KDM6A: variants seen among roughly 807,000 people sequenced by gnomAD.
KDM6A encodes the protein lysine-specific demethylase 6A.
KDM6A carries 11 observed loss-of-function variants against 117.6 expected under a neutral mutation model. The ratio of observed to expected loss-of-function variants is 0.09; its 90% confidence interval spans 0.06 to 0.15. The LOEUF (loss-of-function observed/expected upper bound fraction) is 0.15, where lower values mean the gene tolerates loss of function less well. KDM6A is among the 10% of genes least tolerant of loss of function. KDM6A has a pLI of 1.00. For synonymous variants in KDM6A, 384 were observed against 396.1 expected (o/e 0.97, Z 0.36); for missense variants, 799 against 1,077.3 (o/e 0.74, Z 3.62).
intron 6 of KDM6A, among the ~76,000 whole-genome samples, chrX:45,029,794 T>A (rs891123645): frequency 1.8e-5 from 2 of 111,077 alleles, no homozygotes; most frequent in Admixed American, 9.6e-5. Context: ...CATATTCTGA[T>A]CATTTTGTGT....
rs2046764633 is a variant in KDM6A at position 45,111,408 on chromosome X, T to G, written c.4359T>G (p.Ser1453=). The change falls in exon 30 of 30, where the codon TCT becomes TCG. Residue 1453 remains serine (S), a synonymous_variant. Transcript: ENST00000611820. ...TLAPPLPSAS[S] ...CTCCTCCATTACCATCCGCCTCATC[T>G]TGATATTGTTCCATGGACATTAAAT... is the stretch of plus-strand genomic sequence containing the variant. 2 of 1,194,938 alleles carry G rather than the reference T, an allele frequency of 1.7e-6. No individual in the cohort carries two copies. The highest frequency in any genetic ancestry group is 1.7e-5 in the African/African-American group (1 of 57,325).
intron 27 of KDM6A, among the ~76,000 whole-genome samples, chrX:45,094,786 G>A (rs1358806221): frequency 1.8e-5 from 2 of 111,563 alleles, no homozygotes; most frequent in African/African-American, 3.3e-5. Flanking sequence ...TCCCTGCTGT[G>A]CATTTGCGTG....
At chrX:44,958,545 A>G (rs1018423293) in intron 2 of KDM6A, among the ~76,000 whole-genome samples, 1 of 109,425 alleles carries the variant, frequency 9.1e-6, no homozygotes, top group African/African-American at 3.3e-5. Flanking sequence ...TCTAAAAAAT[A>G]TAGAAAAGTA....
At chrX:44,875,021 T>C (rs2031346814) in intron 2 of KDM6A, among the ~76,000 whole-genome samples, 1 of 112,024 alleles carries the variant, frequency 8.9e-6, no homozygotes, top group Non-Finnish European at 1.9e-5. Context: ...AAGGCTGGAG[T>C]CTCAATCTGT....
chrX:44,924,142 A>G (rs760711873), intron 2 of KDM6A, among the ~76,000 whole-genome samples: 17 of 112,161 alleles, frequency 1.5e-4, no homozygotes, highest in Non-Finnish European at 1.9e-4. Flanking sequence ...TTTCTTGAGC[A>G]TATGAAATAC....
At chrX:44,990,067 G>C (rs2040485355) in intron 4 of KDM6A, among the ~76,000 whole-genome samples, 1 of 111,904 alleles carries the variant, frequency 8.9e-6, no homozygotes, top group South Asian at 3.7e-4. Flanking sequence ...GACTCAAACT[G>C]GGGAAAAGGA....
intron 4 of KDM6A, among the ~76,000 whole-genome samples, chrX:44,988,047 A>G (rs913351645): frequency 8.9e-6 from 1 of 112,026 alleles, no homozygotes; most frequent in Non-Finnish European, 1.9e-5. Flanking sequence ...AGGTACACCA[A>G]TCAGACGTAG....
intron 3 of KDM6A, among the ~76,000 whole-genome samples, chrX:44,972,838 C>T (rs1163883952): frequency 9.1e-6 from 1 of 110,285 alleles, no homozygotes; most frequent in East Asian, 2.8e-4. Flanking sequence ...AGTTCGAGAC[C>T]AGCCTGGCCA....
At chrX:44,877,167 C>G (rs774076964) in intron 2 of KDM6A, among the ~76,000 whole-genome samples, 2 of 111,701 alleles carry the variant, frequency 1.8e-5, no homozygotes, top group Middle Eastern at 4.6e-3. Flanking sequence ...GATTTCTCAT[C>G]GTCTCCCGAA....
At chrX:44,907,514 T>C (rs1437988054) in intron 2 of KDM6A, among the ~76,000 whole-genome samples, 2 of 100,754 alleles carry the variant, frequency 2.0e-5, no homozygotes, top group African/African-American at 7.3e-5. Context: ...AGCGTCTTGT[T>C]CTGTCGCCCA....
intron 2 of KDM6A, among the ~76,000 whole-genome samples, chrX:44,920,414 A>G (rs1195420894): frequency 1.8e-5 from 2 of 111,114 alleles, no homozygotes; most frequent in Non-Finnish European, 3.8e-5. Flanking sequence ...CATTAATGTT[A>G]GCATAATATA....
At chrX:45,058,340 C>T (rs1034075835) in intron 10 of KDM6A, among the ~76,000 whole-genome samples, 2 of 110,047 alleles carry the variant, frequency 1.8e-5, no homozygotes, top group Admixed American at 9.7e-5. Context: ...TCTGTGTATC[C>T]ATCATGTCCA....
At chrX:45,101,479 ACTTTC>A (rs2046338158) in intron 27 of KDM6A, among the ~76,000 whole-genome samples, 1 of 110,484 alleles carries the variant, frequency 9.1e-6, no homozygotes, top group East Asian at 2.8e-4. Context: ...TCCTCCCCCC[ACTTTC>A]CTTTCCCAGG....
chrX:45,081,502 C>T (rs1398457168), intron 21 of KDM6A, among the ~76,000 whole-genome samples: 1 of 111,627 alleles, frequency 9.0e-6, no homozygotes, highest in Non-Finnish European at 1.9e-5. Context: ...AATAAATATC[C>T]CCTGGAAGAA....
chrX:44,894,875 C>G (rs2033687200), intron 2 of KDM6A, among the ~76,000 whole-genome samples: 1 of 107,097 alleles, frequency 9.3e-6, no homozygotes, highest in African/African-American at 3.4e-5. Context: ...TCAAGTGATT[C>G]TCCCGCCTCA....
At chrX:44,918,798 C>A (rs751129437) in intron 2 of KDM6A, among the ~76,000 whole-genome samples, 39 of 111,312 alleles carry the variant, frequency 3.5e-4, no homozygotes, top group Non-Finnish European at 6.0e-4. Flanking sequence ...ATGTTATTTG[C>A]ATATTAGGAA....
intron 27 of KDM6A, among the ~76,000 whole-genome samples, chrX:45,104,024 C>CTTTTT (rs761228898): frequency 2.1e-5 from 2 of 94,609 alleles, no homozygotes; most frequent in African/African-American, 4.0e-5. Flanking sequence ...AAATTGAATT[C>CTTTTT]TTTTTTTTTT....
At chrX:44,922,729 A>G (rs1244587406) in intron 2 of KDM6A, among the ~76,000 whole-genome samples, 1 of 112,846 alleles carries the variant, frequency 8.9e-6, no homozygotes, top group Non-Finnish European at 1.9e-5. Flanking sequence ...TCAGCCTCCC[A>G]AAGTGCTGGG....
chrX:44,951,143 G>T (rs964587412), intron 2 of KDM6A, among the ~76,000 whole-genome samples: 1 of 111,784 alleles, frequency 8.9e-6, no homozygotes, highest in Non-Finnish European at 1.9e-5. Context: ...GTGCCCCTTT[G>T]TTCAGGTGTG....
Sources: gnomAD v4.1 joint callset for allele counts (sites outside exome capture counted in the v4.1 genomes callset) on GRCh38, gnomAD v4.1.1 for gene constraint, MANE v1.5 for transcripts, NCBI Gene and HGNC (gene_info 2026-07-23, HGNC 2026-07-21) for gene names.